The following NOL10 variants were observed in gnomAD, a reference collection of about 807,000 sequenced individuals.
NOL10 encodes the protein H_NH0074G24.1.
In NOL10, 58 loss-of-function variants were observed where a neutral mutation model predicts 103.5. The ratio of observed to expected loss-of-function variants is 0.56; its 90% confidence interval spans 0.45 to 0.70. The LOEUF is 0.70. NOL10 is among the 30% of genes least tolerant of loss of function. The probability of loss-of-function intolerance (pLI) is 0.00; values close to 1 mark genes in which losing one functional copy is unlikely to be tolerated. For synonymous variants in NOL10, 287 were observed against 282.5 expected (o/e 1.02, Z -0.16); for missense variants, 763 against 807.3 (o/e 0.95, Z 0.67).
intron 12 of NOL10, among the ~76,000 whole-genome samples, chr2:10,645,445 T>C (rs982203642): frequency 6.6e-6 from 1 of 152,102 alleles, no homozygotes; most frequent in Non-Finnish European, 1.5e-5. Context: ...CAAAAGTTTG[T>C]AAAAGTGATG....
chr2:10,575,388 C>T (rs946097720), intron 20 of NOL10, among the ~76,000 whole-genome samples: 3 of 151,930 alleles, frequency 2.0e-5, no homozygotes, highest in Admixed American at 1.3e-4. Flanking sequence ...AACAACTGCC[C>T]GAATAAGTAA....
intron 19 of NOL10, among the ~76,000 whole-genome samples, chr2:10,578,612 G>C (rs994635083): frequency 6.7e-6 from 1 of 149,698 alleles, no homozygotes; most frequent in Admixed American, 6.7e-5. Context: ...CCAATAAAGA[G>C]GTTAAGTTTG....
chr2:10,605,336 T>C (rs1182870224), intron 14 of NOL10, among the ~76,000 whole-genome samples: 1 of 152,222 alleles, frequency 6.6e-6, no homozygotes, highest in Non-Finnish European at 1.5e-5. Flanking sequence ...ATCTTCAATA[T>C]ACTAATGCTG....
chr2:10,626,526 C>G (rs1293242913), intron 13 of NOL10, among the ~76,000 whole-genome samples: 1 of 151,594 alleles, frequency 6.6e-6, no homozygotes, highest in African/African-American at 2.4e-5. Context: ...AAGGAAAAAA[C>G]AAAACAAAAC....
chr2:10,587,228 C>CATAT lies in NOL10; in HGVS notation c.1844+1811_1844+1814dup, dbSNP rs1330060940. Among the ~76,000 whole-genome samples, 27 of 37,274 alleles carry CATAT rather than the reference C, an allele frequency of 7.2e-4. 11 individuals carry two copies. Among genetic ancestry groups the CATAT allele is most frequent in the African/African-American group, 4.5e-3 (27 of 5,960 alleles). 24.5% of individuals were successfully genotyped at this position (37,274 alleles called of 152,430 possible). ...ACACATATATATATACATATATATA[C>CATAT]ATATATATATACATACATATATATA... On this transcript the variant is annotated intron_variant, in intron 19 of 20. Transcript: ENST00000381685.
intron 3 of NOL10, among the ~76,000 whole-genome samples, chr2:10,680,759 G>C (rs892863222): frequency 2.0e-5 from 3 of 152,164 alleles, no homozygotes; most frequent in African/African-American, 7.2e-5. Context: ...AAAGTGGTTG[G>C]AAAAGGAATA....
At chr2:10,665,664 T>C (rs568984739) in intron 8 of NOL10, among the ~76,000 whole-genome samples, 13 of 152,318 alleles carry the variant, frequency 8.5e-5, no homozygotes, top group Middle Eastern at 3.4e-3. Flanking sequence ...TCTTAGCACA[T>C]TGCCTGGTGT....
At chr2:10,603,586 T>C (rs947494473) in intron 14 of NOL10, among the ~76,000 whole-genome samples, 1 of 152,106 alleles carries the variant, frequency 6.6e-6, no homozygotes, top group African/African-American at 2.4e-5. Context: ...AAAAACAACG[T>C]AGAAAGAACC....
At chr2:10,592,028 C>CA (rs1675419564) in intron 17 of NOL10, among the ~76,000 whole-genome samples, 7 of 148,054 alleles carry the variant, frequency 4.7e-5, no homozygotes, top group African/African-American at 1.8e-4. Flanking sequence ...ACAAACAAAC[C>CA]AACCCAAAAT....
intron 12 of NOL10, 37 bp from the exon 13 acceptor site, chr2:10,644,409 GA>G: frequency 7.0e-7 from 1 of 1,423,890 alleles, no homozygotes; most frequent in Non-Finnish European, 9.4e-7. Context: ...CAATGCATAG[GA>G]AAAAGAAAGT....
intron 1 of NOL10, among the ~76,000 whole-genome samples, chr2:10,684,911 C>G: frequency 6.6e-6 from 1 of 152,106 alleles, no homozygotes; most frequent in East Asian, 1.9e-4. Flanking sequence ...TGTAGCTCAC[C>G]GAAGGCTCAA....
At chr2:10,598,883 A>G (rs1675835497) in intron 17 of NOL10, among the ~76,000 whole-genome samples, 1 of 152,260 alleles carries the variant, frequency 6.6e-6, no homozygotes, top group Non-Finnish European at 1.5e-5. Flanking sequence ...CTAGTTTTCC[A>G]ATTTATAATG....
Position 10,663,056 on chromosome 2 carries a change from A to G in NOL10, c.592-12T>C. ...CACTCCACTCTACCCTATGCAAATG[A>G]AAAACAATTTTAAATAAAAGCTGTA... is the stretch of plus-strand genomic sequence containing the variant. On this transcript the variant is annotated splice_polypyrimidine_tract_variant and intron_variant, in intron 8 of 20. Transcript: ENST00000381685. 1 of 1,611,208 alleles carries G rather than the reference A, an allele frequency of 6.2e-7. No homozygotes were observed. The highest frequency in any genetic ancestry group is 8.5e-7 in the Non-Finnish European group (1 of 1,177,576).
Position 10,614,752 on chromosome 2 carries a change from T to TA in NOL10, c.1027-7442dup, listed in dbSNP as rs528535899. On this transcript the variant is annotated intron_variant, in intron 13 of 20. Coordinates refer to ENST00000381685, the MANE Select transcript of NOL10 (RefSeq NM_024894.4). The stretch of plus-strand genomic sequence containing the variant: ...TGATGGAGTTGTACTATAATGTATA[T>TA]ACACACTATACATAGCTACATATGG... 2.6e-4 allele frequency among the ~76,000 whole-genome samples: 39 copies of TA among 152,344 alleles called. No homozygotes were observed. In the South Asian group the frequency reaches 8.1e-3, roughly 32 times the overall value.
At chr2:10,596,998 CT>C (rs1675727115) in intron 17 of NOL10, among the ~76,000 whole-genome samples, 1 of 151,834 alleles carries the variant, frequency 6.6e-6, no homozygotes, top group African/African-American at 2.4e-5. Flanking sequence ...GAGATGCTGT[CT>C]TGCCCTGTAG....
chr2:10,576,247 C>T (rs1257808097), intron 20 of NOL10, among the ~76,000 whole-genome samples: 1 of 152,178 alleles, frequency 6.6e-6, no homozygotes, highest in African/African-American at 2.4e-5. Context: ...GGAAAACCTG[C>T]AACCCTCATA....
At chr2:10,678,185 A>T (rs1253811242) in intron 3 of NOL10, among the ~76,000 whole-genome samples, 1 of 151,616 alleles carries the variant, frequency 6.6e-6, no homozygotes, top group Non-Finnish European at 1.5e-5. Context: ...AGTAGCTGAC[A>T]CTACAGGTGC....
At chr2:10,589,840 A>G in intron 17 of NOL10, 89 bp from the exon 18 acceptor site, 2 of 770,258 alleles carry the variant, frequency 2.6e-6, no homozygotes, top group African/African-American at 1.8e-5. Flanking sequence ...TGATTCTATT[A>G]TAAGTTAATA....
intron 19 of NOL10, among the ~76,000 whole-genome samples, chr2:10,578,451 C>A (rs1674587402): frequency 6.6e-6 from 1 of 152,232 alleles, no homozygotes; most frequent in African/African-American, 2.4e-5. Flanking sequence ...TTCTGACATA[C>A]TTTATTCCAA....
Sources: allele counts gnomAD v4.1 joint callset (sites outside exome capture counted in the v4.1 genomes callset), GRCh38; gene constraint gnomAD v4.1.1; transcripts MANE v1.5; gene names NCBI Gene and HGNC (gene_info 2026-07-23, HGNC 2026-07-21).